The following KIAA1671 variants were observed in gnomAD, a reference collection of about 807,000 sequenced individuals.
KIAA1671 encodes the protein KIAA1671.
KIAA1671 carries 52 observed loss-of-function variants against 131.2 expected under a neutral mutation model. The observed-to-expected ratio is 0.40, with a 90% CI of 0.32 to 0.50. KIAA1671 has a LOEUF of 0.50. KIAA1671 is among the 20% of genes least tolerant of loss of function. The pLI is 0.73. For synonymous variants in KIAA1671, 1,003 were observed against 961.6 expected (o/e 1.04, Z -0.80); for missense variants, 2,360 against 2,364.2 (o/e 1.00, Z 0.04).
intron 6 of KIAA1671, among the ~76,000 whole-genome samples, chr22:25,129,485 C>A (rs1186080145): frequency 6.8e-6 from 1 of 146,716 alleles, no homozygotes; most frequent in African/African-American, 2.6e-5. Flanking sequence ...CCAGCCTGGG[C>A]AACAAGAGCA....
chr22:25,190,097 C>G lies in KIAA1671; in HGVS notation c.5343-605C>G, dbSNP rs1026455290. Among the ~76,000 whole-genome samples, 3 of 152,070 alleles carry G rather than the reference C, an allele frequency of 2.0e-5. No individual in the cohort carries two copies. The East Asian group carries it at 5.8e-4, about 29-fold the overall frequency. The stretch of plus-strand genomic sequence containing the variant: ...ATTACATTCATTGTGTACTTTATTT[C>G]TATTATTATTACATTGTAATTAGAA... On this transcript the variant is annotated intron_variant, in intron 11 of 12. Coordinates refer to ENST00000358431, the MANE Select transcript of KIAA1671 (RefSeq NM_001145206.2).
intron 6 of KIAA1671, among the ~76,000 whole-genome samples, chr22:25,130,574 G>A (rs1016242912): frequency 6.6e-6 from 1 of 152,142 alleles, no homozygotes; most frequent in African/African-American, 2.4e-5. Flanking sequence ...TTCCATACAG[G>A]CAAATTGCTA....
At chr22:25,185,433 G>T in intron 11 of KIAA1671, 1 of 287,190 alleles carries the variant, frequency 3.5e-6, no homozygotes, top group East Asian at 6.3e-5. Flanking sequence ...CCAGACCGAT[G>T]GGGAAACTGA....
intron 1 of KIAA1671, among the ~76,000 whole-genome samples, chr22:24,985,496 C>T (rs549112719): frequency 1.1e-3 from 161 of 152,152 alleles, no homozygotes; most frequent in African/African-American, 3.7e-3. Context: ...CCCGCCACCG[C>T]GCCCGGCTAA....
In KIAA1671 at chr22:24,958,667, A is replaced by AT. The variant is rs1335662487; in HGVS notation, c.-208+5895_-208+5896insT. Among the ~76,000 whole-genome samples, 74 of 150,250 alleles carry AT rather than the reference A, an allele frequency of 4.9e-4. 1 individual carries two copies. The highest frequency in any genetic ancestry group is 1.7e-3 in the African/African-American group (69 of 40,810). Reference sequence around the variant, plus strand: ...CTCTGTCTCTTAAAAAAAAAAAAAAAAAGGTTAAAAATTAGTCTGGCGGTC... The same window carrying AT: ...CTCTGTCTCTTAAAAAAAAAAAAAAATAAGGTTAAAAATTAGTCTGGCGGTC... On this transcript the variant is annotated intron_variant, in intron 1 of 12. Coordinates refer to ENST00000358431, the MANE Select transcript of KIAA1671 (RefSeq NM_001145206.2).
chr22:25,022,448 G>A (rs939468867), intron 1 of KIAA1671: 22 of 152,308 alleles, frequency 1.4e-4, no homozygotes, highest in Non-Finnish European at 2.9e-4. Context: ...TTGGGAGGGA[G>A]GCAGTGAGCA....
intron 1 of KIAA1671, among the ~76,000 whole-genome samples, chr22:24,976,220 C>G (rs1312501061): frequency 6.6e-6 from 1 of 152,226 alleles, no homozygotes; most frequent in Non-Finnish European, 1.5e-5. Context: ...TGGAGCAAGA[C>G]AGCAGAACCC....
chr22:25,097,254 GC>G (rs1341411446), intron 6 of KIAA1671, among the ~76,000 whole-genome samples: 5 of 152,136 alleles, frequency 3.3e-5, no homozygotes, highest in Admixed American at 3.3e-4. Flanking sequence ...AGGCCCAGTT[GC>G]TCCACATCCT....
chr22:25,091,512 T>C (rs1368150514), intron 6 of KIAA1671, among the ~76,000 whole-genome samples: 2 of 152,214 alleles, frequency 1.3e-5, no homozygotes, highest in Admixed American at 6.5e-5. Context: ...GGGAATCTGG[T>C]ATTTTGCATT....
chr22:25,007,051 C>T (rs2123870441), intron 1 of KIAA1671, among the ~76,000 whole-genome samples: 1 of 152,258 alleles, frequency 6.6e-6, no homozygotes, highest in African/African-American at 2.4e-5. Flanking sequence ...CTCTGAGCCT[C>T]ACACTGCTGT....
chr22:25,119,827 C>T (rs981999320), intron 6 of KIAA1671, among the ~76,000 whole-genome samples: 3 of 152,256 alleles, frequency 2.0e-5, no homozygotes, highest in African/African-American at 7.2e-5. Context: ...GTTTGAGGAG[C>T]AGCAAGGAGC....
intron 1 of KIAA1671, among the ~76,000 whole-genome samples, chr22:24,982,269 CAG>C (rs1923272944): frequency 6.6e-6 from 1 of 152,326 alleles, no homozygotes; most frequent in South Asian, 2.1e-4. Flanking sequence ...GGAAATCAAA[CAG>C]TGTCATCAAG....
chr22:24,971,452 G>A (rs1204854853), intron 1 of KIAA1671, among the ~76,000 whole-genome samples: 2 of 146,328 alleles, frequency 1.4e-5, no homozygotes, highest in Admixed American at 1.3e-4. Context: ...TTCTCCTGGG[G>A]CTGTTCTTGA....
chr22:24,965,757 A>AAAAAG (rs1208778954), intron 1 of KIAA1671, among the ~76,000 whole-genome samples: 19 of 151,070 alleles, frequency 1.3e-4, no homozygotes, highest in African/African-American at 4.7e-4. Flanking sequence ...AAAAAAAAAA[A>AAAAAG]AAAAGAAAAG....
chr22:25,087,167 C>T (rs964577717), intron 6 of KIAA1671, among the ~76,000 whole-genome samples: 6 of 131,900 alleles, frequency 4.5e-5, no homozygotes, highest in Non-Finnish European at 8.0e-5. Context: ...CACCCCGCCG[C>T]TGCCTCCGGG....
intron 6 of KIAA1671, among the ~76,000 whole-genome samples, chr22:25,090,570 G>C (rs936346112): frequency 7.9e-5 from 12 of 152,256 alleles, no homozygotes; most frequent in African/African-American, 2.9e-4. Flanking sequence ...GAACTTTTCT[G>C]AGGCCTTGTC....
rs964135788 is a variant in KIAA1671 at position 25,039,404 on chromosome 22, G to T, written c.2274G>T (p.Thr758=). Residue 758 remains threonine (T), a synonymous_variant, in exon 5 of 13, where the codon ACG becomes ACT. Coordinates refer to ENST00000358431, the MANE Select transcript of KIAA1671 (RefSeq NM_001145206.2). ...CGGCACCGGAGGAGAAAGCGGTCAC[G>T]CTCCGCAGCCTCAGGTCTTGGCTCT... ...ISPAPEEKAV[T]LRSLRSWLSL... is the part of the protein sequence containing the mutation. 6.4e-7 allele frequency: 1 copy of T among 1,551,788 alleles called. No homozygotes were observed. The highest frequency in any genetic ancestry group is 8.7e-7 in the Non-Finnish European group (1 of 1,147,014).
intron 6 of KIAA1671, among the ~76,000 whole-genome samples, chr22:25,114,851 C>T (rs1931574554): frequency 6.6e-6 from 1 of 152,212 alleles, no homozygotes; most frequent in Non-Finnish European, 1.5e-5. Flanking sequence ...TTTGGGACAA[C>T]AGCAGTATCC....
intron 5 of KIAA1671, among the ~76,000 whole-genome samples, chr22:25,043,452 C>T (rs1437343551): frequency 6.6e-6 from 1 of 152,220 alleles, no homozygotes; most frequent in African/African-American, 2.4e-5. Context: ...AGTAACAAAA[C>T]TGGTATTTGA....
Sources: allele counts gnomAD v4.1 joint callset (sites outside exome capture counted in the v4.1 genomes callset), GRCh38; gene constraint gnomAD v4.1.1; transcripts MANE v1.5; gene names NCBI Gene and HGNC (gene_info 2026-07-23, HGNC 2026-07-21).